Variants in MECOM observed in about 807,000 individuals in gnomAD.
The protein encoded by MECOM is histone-lysine N-methyltransferase MECOM.
Under a neutral mutation model 116.3 loss-of-function variants are expected in MECOM, and 13 were observed. The ratio of observed to expected loss-of-function variants is 0.11; its 90% CI spans 0.07 to 0.18. MECOM has a LOEUF of 0.18. Among genes scored for constraint, MECOM ranks in the 10% least tolerant of loss-of-function variants. The pLI is 1.00. For synonymous variants in MECOM, 528 were observed against 535.2 expected, an observed-to-expected ratio of 0.99 and a Z score of 0.19; for missense variants, 1,299 against 1,509.0, an observed-to-expected ratio of 0.86 and a Z score of 2.31.
intron 1 of MECOM, among the ~76,000 whole-genome samples, chr3:169,445,604 C>T (rs867602144): frequency 6.6e-6 from 1 of 152,178 alleles, no homozygotes; most frequent in South Asian, 2.1e-4. Flanking sequence ...GGTCACAGCC[C>T]CCACACAGAG....
At chr3:169,277,311 A>G (rs934358053) in intron 2 of MECOM, among the ~76,000 whole-genome samples, 1 of 152,222 alleles carries the variant, frequency 6.6e-6, no homozygotes, top group Non-Finnish European at 1.5e-5. Context: ...CTGAAAACAA[A>G]AAAGGGATAA....
intron 1 of MECOM, among the ~76,000 whole-genome samples, chr3:169,438,197 G>A (rs1219844574): frequency 6.6e-6 from 1 of 151,982 alleles, no homozygotes; most frequent in Non-Finnish European, 1.5e-5. Context: ...TTCTCACTCT[G>A]GGCTTCACCC....
At chr3:169,625,952 C>T (rs1342996365) in intron 1 of MECOM, among the ~76,000 whole-genome samples, 2 of 152,212 alleles carry the variant, frequency 1.3e-5, no homozygotes, top group Non-Finnish European at 2.9e-5. Context: ...CAAAAACTAG[C>T]ATGTTGAAAA....
intron 1 of MECOM, among the ~76,000 whole-genome samples, chr3:169,425,507 C>A (rs181791313): frequency 6.6e-6 from 1 of 152,096 alleles, no homozygotes; most frequent in African/African-American, 2.4e-5. Context: ...AAAGAGACAA[C>A]TCTATGTAAC....
chr3:169,280,982 G>C (rs1276513974), intron 2 of MECOM, among the ~76,000 whole-genome samples: 1 of 152,180 alleles, frequency 6.6e-6, no homozygotes, highest in Non-Finnish European at 1.5e-5. Flanking sequence ...TCCTCCCGCA[G>C]GAACCAGTCA....
intron 13 of MECOM, 45 bp from the exon 14 acceptor site, chr3:169,093,147 C>T: frequency 6.5e-7 from 1 of 1,536,724 alleles, no homozygotes. Flanking sequence ...TATTGTTTAT[C>T]TAGCAACTTA....
chr3:169,613,844 G>A (rs950347230), intron 1 of MECOM: 4 of 152,164 alleles, frequency 2.6e-5, no homozygotes, highest in African/African-American at 4.8e-5. Flanking sequence ...GATAAAATGA[G>A]TAAAACAGAG....
At chr3:169,474,017 A>T (rs1239950879) in intron 1 of MECOM, among the ~76,000 whole-genome samples, 1 of 152,200 alleles carries the variant, frequency 6.6e-6, no homozygotes, top group East Asian at 1.9e-4. Context: ...AGATTGGGTC[A>T]GTAGCTTAGG....
At chr3:169,374,887 A>G (rs1730751782) in intron 2 of MECOM, among the ~76,000 whole-genome samples, 1 of 151,860 alleles carries the variant, frequency 6.6e-6, no homozygotes, top group Non-Finnish European at 1.5e-5. Context: ...GTTTTTTTTA[A>G]TTAGCGAGTC....
At chr3:169,418,541 A>C (rs1255738240) in intron 1 of MECOM, among the ~76,000 whole-genome samples, 1 of 152,218 alleles carries the variant, frequency 6.6e-6, no homozygotes, top group Admixed American at 6.5e-5. Flanking sequence ...CAAAAAGCTT[A>C]TCCACTATGA....
intron 3 of MECOM, 39 bp downstream of exon 3, chr3:169,143,659 G>A: frequency 6.6e-7 from 1 of 1,517,134 alleles, no homozygotes; most frequent in South Asian, 1.3e-5. Flanking sequence ...TGATACTTTT[G>A]TGCTCTCAAG....
chr3:169,582,237 C>T (rs1338892417), intron 1 of MECOM, among the ~76,000 whole-genome samples: 3 of 150,542 alleles, frequency 2.0e-5, no homozygotes, highest in Non-Finnish European at 4.4e-5. Context: ...AAATATCAAG[C>T]GAGAGTAGAT....
chr3:169,322,157 G>A lies in MECOM; in HGVS notation c.375+59030C>T, dbSNP rs371914795. Among the ~76,000 whole-genome samples the A allele has an allele frequency of 6.6e-5, 10 of 152,334 alleles. 1 individual carries two copies. The South Asian group carries it at 1.7e-3, about 25-fold the overall frequency. ...GTGATATGACACTTGGATTTAGCAT[G>A]AAAATTAACTGAATCTCGTGTGTGT... On this transcript the variant is annotated intron_variant, in intron 2 of 16. Transcript: ENST00000651503.
intron 1 of MECOM, among the ~76,000 whole-genome samples, chr3:169,597,457 G>A (rs762668823): frequency 1.1e-4 from 16 of 152,218 alleles, no homozygotes; most frequent in Admixed American, 3.9e-4. Flanking sequence ...CACAGGACCC[G>A]TGGAGAACTT....
At chr3:169,496,939 A>C (rs1160172682) in intron 1 of MECOM, among the ~76,000 whole-genome samples, 1 of 152,234 alleles carries the variant, frequency 6.6e-6, no homozygotes, top group Non-Finnish European at 1.5e-5. Context: ...AAACACAGCC[A>C]AGCATGCATA....
chr3:169,618,243 T>C (rs1464761592), intron 1 of MECOM, among the ~76,000 whole-genome samples: 1 of 152,226 alleles, frequency 6.6e-6, no homozygotes, highest in African/African-American at 2.4e-5. Context: ...CAAGGTGAGT[T>C]TGAACCACAC....
chr3:169,637,498 C>T (rs542869160), intron 1 of MECOM, among the ~76,000 whole-genome samples: 1 of 152,150 alleles, frequency 6.6e-6, no homozygotes, highest in Non-Finnish European at 1.5e-5. Flanking sequence ...CAGGAACTTA[C>T]AGCCAAGTTG....
chr3:169,428,480 G>T (rs1741085451), intron 1 of MECOM, among the ~76,000 whole-genome samples: 1 of 152,182 alleles, frequency 6.6e-6, no homozygotes, highest in African/African-American at 2.4e-5. Context: ...TCACCTGACA[G>T]CTGCTCACCT....
At chr3:169,654,334 A>C (rs1226364501) in intron 1 of MECOM, among the ~76,000 whole-genome samples, 1 of 152,198 alleles carries the variant, frequency 6.6e-6, no homozygotes, top group Non-Finnish European at 1.5e-5. Flanking sequence ...TGTTACCCGA[A>C]CATATATGAC....
Sources: gnomAD v4.1 joint callset for allele counts (sites outside exome capture counted in the v4.1 genomes callset) on GRCh38, gnomAD v4.1.1 for gene constraint, MANE v1.5 for transcripts, NCBI Gene and HGNC (gene_info 2026-07-23, HGNC 2026-07-21) for gene names.